LMTK2: variants seen among roughly 807,000 people sequenced by gnomAD.
LMTK2 encodes the protein lemur tail kinase 2.
In LMTK2, 37 loss-of-function variants were observed where a neutral mutation model predicts 127.5. The ratio of observed to expected loss-of-function variants is 0.29; its 90% CI spans 0.22 to 0.38. The LOEUF (loss-of-function observed/expected upper bound fraction) is 0.38, where lower values mean the gene tolerates loss of function less well. LMTK2 is among the 10% of genes least tolerant of loss of function. The pLI is 1.00. For synonymous variants in LMTK2, 819 were observed against 810.1 expected, an observed-to-expected ratio of 1.01 and a Z score of -0.19; for missense variants, 1,694 against 1,920.3, an observed-to-expected ratio of 0.88 and a Z score of 2.20.
At chr7:98,152,115 T>C (rs959441068) in intron 4 of LMTK2, among the ~76,000 whole-genome samples, 2 of 152,222 alleles carry the variant, frequency 1.3e-5, no homozygotes, top group Admixed American at 1.3e-4. Flanking sequence ...CTTCCCCTTA[T>C]AGCACTTAAG....
At chr7:98,178,768 G>T (rs946966358) in intron 7 of LMTK2, among the ~76,000 whole-genome samples, 1 of 152,170 alleles carries the variant, frequency 6.6e-6, no homozygotes, top group Non-Finnish European at 1.5e-5. Context: ...CTTTGAATCT[G>T]TACAGCACTT....
At chr7:98,179,719 C>T (rs1442079709) in intron 7 of LMTK2, among the ~76,000 whole-genome samples, 1 of 151,290 alleles carries the variant, frequency 6.6e-6, no homozygotes, top group Non-Finnish European at 1.5e-5. Flanking sequence ...TTGTTCATAA[C>T]AGTGGAGTCA....
intron 7 of LMTK2, among the ~76,000 whole-genome samples, chr7:98,183,304 G>A (rs1797381202): frequency 6.6e-6 from 1 of 152,106 alleles, no homozygotes; most frequent in Non-Finnish European, 1.5e-5. Flanking sequence ...CCTGCTACCT[G>A]GAGTCTTCAT....
At chr7:98,148,513 A>G (rs895007859) in intron 3 of LMTK2, among the ~76,000 whole-genome samples, 1 of 150,350 alleles carries the variant, frequency 6.7e-6, no homozygotes, top group African/African-American at 2.4e-5. Flanking sequence ...AAAAATAATA[A>G]TAATAATAAT....
chr7:98,190,411 A>G (rs942825280), intron 9 of LMTK2, among the ~76,000 whole-genome samples: 30 of 152,158 alleles, frequency 2.0e-4, no homozygotes, highest in Admixed American at 1.7e-3. Context: ...GTGAAACCCT[A>G]TCTCTACTAA....
intron 1 of LMTK2, among the ~76,000 whole-genome samples, chr7:98,114,506 A>G (rs1232637082): frequency 6.6e-6 from 1 of 152,026 alleles, no homozygotes. Context: ...CAGCCTCCCA[A>G]AGTGCTGGGA....
Position 98,207,590 on chromosome 7 carries a change from C to A in LMTK2, c.*2098C>A, listed in dbSNP as rs533917055. ...CTCTGAATTCTTGCTGTGGGGACTT[C>A]CTGAGTTTTCTCAGTTTTTACATCT... On this transcript the variant is annotated 3_prime_UTR_variant, in exon 14 of 14. Coordinates refer to ENST00000297293, the MANE Select transcript of LMTK2 (RefSeq NM_014916.4). 6.6e-6 allele frequency: 1 copy of A among 151,678 alleles called. No homozygotes were observed. The highest frequency in any genetic ancestry group is 2.1e-4 in the South Asian group (1 of 4,796). 9.4% of individuals were successfully genotyped at this position (151,678 alleles called of 1,614,324 possible). A position where few individuals can be genotyped will look rare whatever the true frequency, so the allele number is the denominator to read the frequency against.
intron 5 of LMTK2, among the ~76,000 whole-genome samples, chr7:98,158,099 A>T (rs1197219337): frequency 6.6e-6 from 1 of 152,220 alleles, no homozygotes; most frequent in Non-Finnish European, 1.5e-5. Flanking sequence ...AGGGTTTTTT[A>T]AAAAATTATT....
chr7:98,196,037 A>C (rs1176890556), intron 11 of LMTK2, among the ~76,000 whole-genome samples: 1 of 152,044 alleles, frequency 6.6e-6, no homozygotes, highest in Non-Finnish European at 1.5e-5. Context: ...TAAAAATATA[A>C]AAATTAGCCA....
chr7:98,114,875 G>A (rs905653192), intron 1 of LMTK2, among the ~76,000 whole-genome samples: 12 of 151,614 alleles, frequency 7.9e-5, no homozygotes, highest in Non-Finnish European at 1.6e-4. Flanking sequence ...ACCTCTTTGC[G>A]GACCCACCTT....
At chr7:98,165,901 A>G (rs1797090222) in intron 6 of LMTK2, among the ~76,000 whole-genome samples, 1 of 152,138 alleles carries the variant, frequency 6.6e-6, no homozygotes, top group Admixed American at 6.5e-5. Context: ...GTCCCTGACC[A>G]GAGCCAGCAG....
intron 3 of LMTK2, among the ~76,000 whole-genome samples, chr7:98,143,056 A>G (rs1333340623): frequency 2.0e-5 from 3 of 152,184 alleles, no homozygotes; most frequent in Non-Finnish European, 4.4e-5. Context: ...GGACAGACAG[A>G]CAGCTTCTCT....
chr7:98,115,114 A>G (rs965234838), intron 1 of LMTK2, among the ~76,000 whole-genome samples: 4 of 152,218 alleles, frequency 2.6e-5, no homozygotes, highest in Admixed American at 2.6e-4. Context: ...CATGGGACGG[A>G]AAGAACATAA....
intron 1 of LMTK2, among the ~76,000 whole-genome samples, chr7:98,109,450 G>GA (rs1450390927): frequency 6.6e-6 from 1 of 152,042 alleles, no homozygotes; most frequent in Non-Finnish European, 1.5e-5. Context: ...CTGTGGAAAA[G>GA]ACGCACAGTC....
chr7:98,107,110 G>GACGGGCGA lies in LMTK2; in HGVS notation c.-63_-56dup. ...GCAGCGGAGGGAGGCAGGATCGACT[G>GACGGGCGA]ACGGGCGAACGGACGGACGGACGGA... is the stretch of plus-strand genomic sequence containing the variant. On this transcript the variant is annotated 5_prime_UTR_variant, in exon 1 of 14. Transcript: ENST00000297293. The GACGGGCGA allele has an allele frequency of 8.0e-7, 1 of 1,254,036 alleles. No individual in the cohort carries two copies. The highest frequency in any genetic ancestry group is 1.0e-6 in the Non-Finnish European group (1 of 959,962). The allele number at this position is 1,254,036 out of a possible 1,614,324, so 77.7% of individuals were successfully genotyped here. A position where few individuals can be genotyped will look rare whatever the true frequency, so the allele number is the denominator to read the frequency against.
At position 98,198,067 on chromosome 7, in the gene LMTK2, A is replaced by T. The variant is rs1284127973; in HGVS notation, c.4107+3495A>T. 3.3e-5 allele frequency among the ~76,000 whole-genome samples: 5 copies of T among 150,876 alleles called. No homozygotes were observed. The South Asian group carries it at 1.0e-3, about 31-fold the overall frequency. On this transcript the variant is annotated intron_variant, in intron 11 of 13. Coordinates refer to ENST00000297293, the MANE Select transcript of LMTK2 (RefSeq NM_014916.4). ...TTTCCAAAAAATTGCTTTTGTTTTC[A>T]TGGATTTTTTTTTCTTTTCTCTTTC... is the stretch of plus-strand genomic sequence containing the variant.
At chr7:98,142,954 C>T (rs1464599333) in intron 3 of LMTK2, among the ~76,000 whole-genome samples, 1 of 152,194 alleles carries the variant, frequency 6.6e-6, no homozygotes. Flanking sequence ...TTCTCTCTCT[C>T]CTTGGACCAG....
chr7:98,115,376 A>G (rs1394451858), intron 1 of LMTK2, among the ~76,000 whole-genome samples: 2 of 151,978 alleles, frequency 1.3e-5, no homozygotes, highest in East Asian at 1.9e-4. Context: ...AGATCATGCC[A>G]TTGCACACCA....
At chr7:98,197,759 T>C (rs1266229756) in intron 11 of LMTK2, among the ~76,000 whole-genome samples, 1 of 152,202 alleles carries the variant, frequency 6.6e-6, no homozygotes, top group Non-Finnish European at 1.5e-5. Flanking sequence ...GGAGGATCGC[T>C]TAAACCCAGG....
Sources: gnomAD v4.1 joint callset for allele counts (sites outside exome capture counted in the v4.1 genomes callset) on GRCh38, gnomAD v4.1.1 for gene constraint, MANE v1.5 for transcripts, NCBI Gene and HGNC (gene_info 2026-07-23, HGNC 2026-07-21) for gene names.